The following FER variants were observed in gnomAD, a reference collection of about 807,000 sequenced individuals.
The protein encoded by FER is tyrosine-protein kinase Fer.
In FER, 63 loss-of-function variants were observed where a neutral mutation model predicts 111.0. The ratio of observed to expected loss-of-function variants is 0.57; its 90% confidence interval spans 0.46 to 0.70. FER has a LOEUF of 0.70. Ranked by LOEUF, FER falls within the 30% of genes least tolerant of loss-of-function variation. The pLI is 0.00. For missense variants in FER, 914 were observed against 954.0 expected (o/e 0.96, Z 0.55); for synonymous variants, 327 against 313.9 (o/e 1.04, Z -0.44).
At chr5:108,770,027 C>A (rs1752723864) in intron 2 of FER, among the ~76,000 whole-genome samples, 1 of 152,200 alleles carries the variant, frequency 6.6e-6, no homozygotes, top group African/African-American at 2.4e-5. Flanking sequence ...CGATTCACCA[C>A]AACCTCCACC....
At position 109,190,943 on chromosome 5, in the gene FER, G is replaced by C. The variant is rs922669546; in HGVS notation, c.*3368G>C. ...TGAGAAGAAAAAATGTTTTGTAATT[G>C]AAATAGTTTTAATTTCCTTTAAACC... On this transcript the variant is annotated 3_prime_UTR_variant, in exon 20 of 20. Transcript: ENST00000281092. The C allele has an allele frequency of 6.6e-6, 1 of 151,868 alleles. No homozygotes were observed. The highest frequency in any genetic ancestry group is 1.5e-5 in the Non-Finnish European group (1 of 67,948). The allele number at this position is 151,868 out of a possible 1,614,324, so 9.4% of individuals were successfully genotyped here. A position where few individuals can be genotyped will look rare whatever the true frequency, so the allele number is the denominator to read the frequency against.
chr5:108,913,263 A>G (rs916683246), intron 10 of FER, among the ~76,000 whole-genome samples: 3 of 152,204 alleles, frequency 2.0e-5, no homozygotes, highest in African/African-American at 7.2e-5. Flanking sequence ...CATGCTTGAT[A>G]TTGCAAAATG....
chr5:108,912,612 C>T (rs569000262), intron 10 of FER, among the ~76,000 whole-genome samples: 2 of 152,272 alleles, frequency 1.3e-5, no homozygotes, highest in African/African-American at 4.8e-5. Flanking sequence ...CCACCTGCCT[C>T]GACCTTCTAA....
intron 13 of FER, chr5:109,014,791 C>A (rs904138848): frequency 7.9e-5 from 12 of 152,124 alleles, no homozygotes; most frequent in Non-Finnish European, 1.6e-4. Flanking sequence ...TTGAAGAGGT[C>A]CATCACGTCC....
intron 16 of FER, among the ~76,000 whole-genome samples, chr5:109,100,159 A>G (rs527308262): frequency 8.6e-5 from 13 of 151,896 alleles, no homozygotes; most frequent in South Asian, 2.1e-4. Context: ...ATAATGTACA[A>G]TATGAAACAC....
At chr5:108,867,743 T>G (rs751884297) in intron 5 of FER, 24 bp from the exon 6 acceptor site, 54 of 1,588,152 alleles carry the variant, frequency 3.4e-5, no homozygotes, top group Non-Finnish European at 4.2e-5. Flanking sequence ...TTTACTAACT[T>G]TCTTCAGTTT....
chr5:108,836,319 CAG>C (rs1460694512), intron 5 of FER, among the ~76,000 whole-genome samples: 3 of 151,918 alleles, frequency 2.0e-5, no homozygotes, highest in Admixed American at 6.6e-5. Context: ...ATGTTTCAAA[CAG>C]AGATTTATGG....
intron 1 of FER, among the ~76,000 whole-genome samples, chr5:108,767,373 C>G (rs115218164): frequency 0.017 from 2,596 of 152,236 alleles, 77 homozygotes; most frequent in African/African-American, 0.06. Flanking sequence ...CTGGGGGAAT[C>G]CTTCCCAAAC....
intron 3 of FER, among the ~76,000 whole-genome samples, chr5:108,824,097 G>A (rs1194968756): frequency 6.6e-6 from 1 of 151,920 alleles, no homozygotes; most frequent in Non-Finnish European, 1.5e-5. Flanking sequence ...ATATGTGTGG[G>A]TTTATTTTTC....
At chr5:108,926,674 A>G (rs753797963) in intron 10 of FER, among the ~76,000 whole-genome samples, 5 of 152,194 alleles carry the variant, frequency 3.3e-5, no homozygotes, top group African/African-American at 4.8e-5. Flanking sequence ...ACTTTTAAGT[A>G]CTTTTCATTG....
intron 2 of FER, chr5:108,782,713 A>C (rs1171307945): frequency 6.6e-6 from 1 of 152,124 alleles, no homozygotes; most frequent in East Asian, 1.9e-4. Flanking sequence ...CCTGGGCTCA[A>C]GCAATATGCC....
chr5:109,064,384 A>G (rs541231793), intron 16 of FER, among the ~76,000 whole-genome samples: 4 of 152,292 alleles, frequency 2.6e-5, no homozygotes, highest in African/African-American at 7.2e-5. Flanking sequence ...GCTAAATGAT[A>G]AAGACATTAA....
At chr5:109,037,187 G>A (rs1339497430) in intron 13 of FER, among the ~76,000 whole-genome samples, 3 of 152,056 alleles carry the variant, frequency 2.0e-5, no homozygotes, top group African/African-American at 4.8e-5. Context: ...CTATCATTTC[G>A]AAGGCTGAGA....
intron 17 of FER, among the ~76,000 whole-genome samples, chr5:109,115,706 C>G (rs1279462233): frequency 2.0e-5 from 3 of 152,006 alleles, no homozygotes; most frequent in Non-Finnish European, 4.4e-5. Flanking sequence ...TCTGTTCTTT[C>G]AGAAAAATCA....
At chr5:108,804,217 GT>G (rs1756965648) in intron 3 of FER, among the ~76,000 whole-genome samples, 2 of 152,272 alleles carry the variant, frequency 1.3e-5, no homozygotes, top group Admixed American at 1.3e-4. Context: ...TCGTTTATCA[GT>G]TTCAGGAGCC....
chr5:108,773,725 TG>T (rs1753176755), intron 2 of FER, among the ~76,000 whole-genome samples: 1 of 152,164 alleles, frequency 6.6e-6, no homozygotes, highest in Admixed American at 6.5e-5. Context: ...ATGGGATTGC[TG>T]GGTCAAATGA....
intron 17 of FER, among the ~76,000 whole-genome samples, chr5:109,120,133 A>G (rs749019397): frequency 2.6e-5 from 4 of 152,044 alleles, no homozygotes; most frequent in Non-Finnish European, 4.4e-5. Flanking sequence ...ACATTTGTCC[A>G]TGTTTGCTTT....
intron 5 of FER, among the ~76,000 whole-genome samples, chr5:108,839,294 A>C (rs570229052): frequency 6.6e-6 from 1 of 152,328 alleles, no homozygotes; most frequent in East Asian, 1.9e-4. Context: ...AATCAGGTGA[A>C]GGTAATAGTT....
intron 13 of FER, among the ~76,000 whole-genome samples, chr5:109,010,384 C>T (rs1766097400): frequency 1.3e-5 from 2 of 152,186 alleles, no homozygotes; most frequent in African/African-American, 4.8e-5. Flanking sequence ...GTGTCGATCT[C>T]CTGACCTCGT....
Sources: allele counts gnomAD v4.1 joint callset (sites outside exome capture counted in the v4.1 genomes callset), GRCh38; gene constraint gnomAD v4.1.1; transcripts MANE v1.5; gene names NCBI Gene and HGNC (gene_info 2026-07-23, HGNC 2026-07-21).